The following PKHD1 variants were observed in gnomAD, a reference collection of about 807,000 sequenced individuals.
The protein encoded by PKHD1 is PKHD1 ciliary IPT domain containing fibrocystin/polyductin.
A neutral mutation model predicts 412.0 loss-of-function variants in PKHD1; 291 were observed. The ratio of observed to expected loss-of-function variants is 0.71; its 90% CI spans 0.64 to 0.78. The LOEUF is 0.78. Among genes scored for constraint, PKHD1 ranks in the 30% least tolerant of loss-of-function variants. PKHD1 has a pLI of 0.00. For missense variants in PKHD1, 4,825 were observed against 4,950.7 expected (o/e 0.97, Z 0.76); for synonymous variants, 1,777 against 1,821.5 (o/e 0.98, Z 0.62).
intron 66 of PKHD1, among the ~76,000 whole-genome samples, chr6:51,621,215 T>C (rs1182851503): frequency 6.6e-6 from 1 of 152,156 alleles, no homozygotes; most frequent in Non-Finnish European, 1.5e-5. Flanking sequence ...GGAAGAAATG[T>C]TTGTGTGCCG....
At chr6:51,871,313 T>TTTAGAAAAAAAAGGAAATAGG (rs1562505563) in intron 46 of PKHD1, among the ~76,000 whole-genome samples, 2 of 130,996 alleles carry the variant, frequency 1.5e-5, no homozygotes, top group Non-Finnish European at 1.8e-5. Context: ...CAAACTGCAT[T>TTTAGAAAAAAAAGGAAATAGG]ACATCTATCT....
At position 51,872,462 on chromosome 6, in the gene PKHD1, G is replaced by T. The variant is rs146697119; in HGVS notation, c.7351-1823C>A. ...CTCACTCTGTTGCACAGTCTGCAGT[G>T]CAGTGGCATGATCTCGGCTCACTGC... On this transcript the variant is annotated intron_variant, in intron 46 of 66. Transcript: ENST00000371117. Among the ~76,000 whole-genome samples, 70 of 151,914 alleles carry T rather than the reference G, an allele frequency of 4.6e-4. No individual in the cohort carries two copies. In the East Asian group the frequency reaches 0.01, roughly 22 times the overall value.
chr6:51,846,020 C>A (rs1337725790), intron 50 of PKHD1, among the ~76,000 whole-genome samples: 1 of 152,168 alleles, frequency 6.6e-6, no homozygotes, highest in Non-Finnish European at 1.5e-5. Context: ...TTAATGGTAA[C>A]TATTTACTCT....
At chr6:51,990,637 T>G (rs917050068) in intron 35 of PKHD1, among the ~76,000 whole-genome samples, 2 of 152,222 alleles carry the variant, frequency 1.3e-5, no homozygotes, top group African/African-American at 4.8e-5. Context: ...AGTGAATTCA[T>G]GTAGCATTGC....
At chr6:51,660,047 C>T (rs1772589584) in intron 60 of PKHD1, 78 bp from the exon 61 acceptor site, 2 of 893,090 alleles carry the variant, frequency 2.2e-6, no homozygotes, top group Non-Finnish European at 3.6e-6. Flanking sequence ...ATCACTCTTG[C>T]CATCATCTAT....
intron 48 of PKHD1, among the ~76,000 whole-genome samples, chr6:51,858,814 C>G (rs1311552802): frequency 1.3e-5 from 2 of 152,192 alleles, no homozygotes; most frequent in African/African-American, 4.8e-5. Context: ...AGTAACATTT[C>G]TCCCCAACTT....
intron 37 of PKHD1, among the ~76,000 whole-genome samples, chr6:51,920,069 C>G (rs75056724): frequency 0.15 from 22,218 of 152,274 alleles, 1,801 homozygotes; most frequent in Non-Finnish European, 0.19. Context: ...ATGTAATTTG[C>G]AAACAGGGAC....
intron 60 of PKHD1, among the ~76,000 whole-genome samples, chr6:51,696,899 C>T (rs1322317685): frequency 1.3e-5 from 2 of 152,146 alleles, no homozygotes; most frequent in Non-Finnish European, 2.9e-5. Flanking sequence ...AAAGGATACT[C>T]ATAATTGGGC....
At chr6:51,746,671 T>C (rs1296083562) in intron 59 of PKHD1, 50 bp downstream of exon 59, 1 of 1,155,930 alleles carries the variant, frequency 8.7e-7, no homozygotes, top group Non-Finnish European at 1.3e-6. Flanking sequence ...GTTTGAAGAA[T>C]TGCCAAGTAC....
intron 60 of PKHD1, among the ~76,000 whole-genome samples, chr6:51,729,384 G>A (rs534527779): frequency 4.5e-4 from 68 of 152,030 alleles, no homozygotes; most frequent in Non-Finnish European, 8.1e-4. Flanking sequence ...ATATAAATGA[G>A]TTATACTATC....
chr6:52,056,808 T>A lies in PKHD1; in HGVS notation c.1603-20A>T, dbSNP rs1807823561. ...TTGAATCTATTACAAAGGAAAAAAA[T>A]GCCAGGAATTTATATCATGAGCATA... On this transcript the variant is annotated intron_variant, in intron 17 of 66. Coordinates refer to ENST00000371117, the MANE Select transcript of PKHD1 (RefSeq NM_138694.4). 6.2e-7 allele frequency: 1 copy of A among 1,601,086 alleles called. No homozygotes were observed. The highest frequency in any genetic ancestry group is 1.1e-5 in the South Asian group (1 of 90,864).
intron 35 of PKHD1, among the ~76,000 whole-genome samples, chr6:51,986,062 A>G (rs1796176442): frequency 6.6e-6 from 1 of 152,238 alleles, no homozygotes; most frequent in Admixed American, 6.5e-5. Flanking sequence ...TGTAAGGTAA[A>G]AACGTAATGG....
At chr6:51,888,472 C>G (rs183062298) in intron 43 of PKHD1, among the ~76,000 whole-genome samples, 1 of 151,656 alleles carries the variant, frequency 6.6e-6, no homozygotes, top group East Asian at 1.9e-4. Context: ...TTTTTTTGGC[C>G]TACCCAATGT....
At chr6:51,761,147 G>T (rs193141662) in intron 55 of PKHD1, among the ~76,000 whole-genome samples, 10 of 152,038 alleles carry the variant, frequency 6.6e-5, no homozygotes, top group African/African-American at 2.2e-4. Flanking sequence ...AACATTATTC[G>T]CAAGAGCCAA....
intron 60 of PKHD1, among the ~76,000 whole-genome samples, chr6:51,705,241 T>G (rs1411674490): frequency 2.0e-5 from 3 of 151,622 alleles, no homozygotes; most frequent in Non-Finnish European, 4.4e-5. Context: ...GAGGATGGGA[T>G]TTTAAGAACC....
chr6:51,760,753 T>G (rs182584133), intron 55 of PKHD1, among the ~76,000 whole-genome samples: 1 of 152,058 alleles, frequency 6.6e-6, no homozygotes, highest in African/African-American at 2.4e-5. Context: ...GATAAAGGAA[T>G]AGATATAATC....
At chr6:51,630,636 T>C (rs1260388929) in intron 65 of PKHD1, among the ~76,000 whole-genome samples, 1 of 152,136 alleles carries the variant, frequency 6.6e-6, no homozygotes, top group Non-Finnish European at 1.5e-5. Context: ...AGACCCAAAT[T>C]GAAAATGACA....
Position 51,887,264 on chromosome 6 carries a change from G to C in PKHD1, c.6997-19C>G. On this transcript the variant is annotated intron_variant, in intron 43 of 66. Transcript: ENST00000371117. The stretch of plus-strand genomic sequence containing the variant: ...TGTTCCCCTACAGAAATTAAGAAGA[G>C]TTAAAAAATAGTTACCCCATGTATG... 1 of 1,495,268 alleles carries C rather than the reference G, an allele frequency of 6.7e-7. No individual in the cohort carries two copies. The highest frequency in any genetic ancestry group is 9.3e-7 in the Non-Finnish European group (1 of 1,071,428). The allele number at this position is 1,495,268 out of a possible 1,614,324, so 92.6% of individuals were successfully genotyped here.
chr6:52,032,915 C>T, intron 29 of PKHD1, 115 bp downstream of exon 29: 2 of 939,382 alleles, frequency 2.1e-6, no homozygotes, highest in Non-Finnish European at 3.4e-6. Context: ...AATCTCCTAG[C>T]TTTCAAGAAA....
Sources: gnomAD v4.1 joint callset for allele counts (sites outside exome capture counted in the v4.1 genomes callset) on GRCh38, gnomAD v4.1.1 for gene constraint, MANE v1.5 for transcripts, NCBI Gene and HGNC (gene_info 2026-07-23, HGNC 2026-07-21) for gene names.